PCDH9: variants seen among roughly 807,000 people sequenced by gnomAD.
PCDH9 encodes the protein protocadherin-9.
PCDH9 carries 24 observed loss-of-function variants against 70.6 expected under a neutral mutation model. The ratio of observed to expected loss-of-function variants is 0.34; its 90% CI spans 0.25 to 0.48. PCDH9 has a LOEUF of 0.48. Ranked by LOEUF, PCDH9 falls within the 20% of genes least tolerant of loss-of-function variation. The pLI, the probability that PCDH9 is intolerant of heterozygous loss-of-function variation, is 0.99. For synonymous variants in PCDH9, 562 were observed against 558.5 expected, an observed-to-expected ratio of 1.01 and a Z score of -0.09; for missense variants, 1,281 against 1,503.6, an observed-to-expected ratio of 0.85 and a Z score of 2.45.
chr13:66,319,731 C>T (rs775880831), intron 4 of PCDH9, among the ~76,000 whole-genome samples: 23 of 152,128 alleles, frequency 1.5e-4, no homozygotes, highest in Middle Eastern at 3.4e-3. Flanking sequence ...CTAGCCAGGA[C>T]ACCAGAGAAT....
At chr13:66,889,547 T>C (rs902589755) in intron 3 of PCDH9, among the ~76,000 whole-genome samples, 8 of 152,192 alleles carry the variant, frequency 5.3e-5, no homozygotes, top group African/African-American at 1.4e-4. Context: ...GAAACACTTA[T>C]GATTCCTGTT....
intron 4 of PCDH9, among the ~76,000 whole-genome samples, chr13:66,334,958 G>A (rs1593816210): frequency 6.6e-6 from 1 of 151,978 alleles, no homozygotes; most frequent in Middle Eastern, 3.4e-3. Flanking sequence ...CCCCAAAATA[G>A]GTATTTCTAT....
At chr13:66,679,927 C>T (rs1345552383) in intron 3 of PCDH9, among the ~76,000 whole-genome samples, 1 of 151,900 alleles carries the variant, frequency 6.6e-6, no homozygotes, top group Non-Finnish European at 1.5e-5. Flanking sequence ...GAGAAATAAT[C>T]AAATTAAATT....
At chr13:66,403,126 C>T (rs1462971066) in intron 4 of PCDH9, among the ~76,000 whole-genome samples, 1 of 151,690 alleles carries the variant, frequency 6.6e-6, no homozygotes, top group East Asian at 1.9e-4. Flanking sequence ...CCATTTACAG[C>T]TTTAGATGTA....
chr13:66,605,772 T>C (rs2077215239), intron 4 of PCDH9, among the ~76,000 whole-genome samples: 1 of 152,294 alleles, frequency 6.6e-6, no homozygotes, highest in Non-Finnish European at 1.5e-5. Flanking sequence ...TACAATATCA[T>C]GTGTGGCTTG....
intron 3 of PCDH9, among the ~76,000 whole-genome samples, chr13:66,764,624 A>T (rs1284270916): frequency 6.6e-6 from 1 of 152,006 alleles, no homozygotes; most frequent in African/African-American, 2.4e-5. Flanking sequence ...AGTAAAGAAA[A>T]AAGTTATTTT....
chr13:66,652,444 A>G (rs1187478959), intron 3 of PCDH9, among the ~76,000 whole-genome samples: 1 of 152,132 alleles, frequency 6.6e-6, no homozygotes, highest in African/African-American at 2.4e-5. Flanking sequence ...GATATCTTCA[A>G]TGAAAACTGT....
chr13:66,499,995 G>A (rs1182337709), intron 4 of PCDH9, among the ~76,000 whole-genome samples: 1 of 152,196 alleles, frequency 6.6e-6, no homozygotes, highest in Non-Finnish European at 1.5e-5. Flanking sequence ...CTGGTGCCAT[G>A]CTTCTTGTAC....
intron 4 of PCDH9, among the ~76,000 whole-genome samples, chr13:66,484,048 A>G (rs1015949443): frequency 1.3e-5 from 2 of 152,146 alleles, no homozygotes; most frequent in Admixed American, 6.5e-5. Context: ...AGCCAACTCC[A>G]GGGGAAAACC....
rs574315703 is a variant in PCDH9 at position 66,458,225 on chromosome 13, A to G, written c.3341-153197T>C. Among the ~76,000 whole-genome samples, 5 of 152,126 alleles carry G rather than the reference A, an allele frequency of 3.3e-5. No individual in the cohort carries two copies. The East Asian group carries it at 9.7e-4, about 29-fold the overall frequency. On this transcript the variant is annotated intron_variant, in intron 4 of 4. Coordinates refer to ENST00000377865, the MANE Select transcript of PCDH9 (RefSeq NM_203487.3). ...ATTTTTGTTGAAACTTGCATATTAT[A>G]TATAGTGATTTAAGTAGATTTCTGG...
intron 2 of PCDH9, among the ~76,000 whole-genome samples, chr13:67,186,254 G>T (rs765010318): frequency 6.6e-6 from 1 of 151,948 alleles, no homozygotes; most frequent in Non-Finnish European, 1.5e-5. Context: ...AATTTATATT[G>T]ATTCACCTTT....
rs148972381 is a variant in PCDH9 at position 66,731,576 on chromosome 13, T to G, written c.3139-100165A>C. The stretch of plus-strand genomic sequence containing the variant: ...ATATGTTTCCCAAGCAAGAGCATGA[T>G]GGATTATAGTCCCACTGAACATTCA... On this transcript the variant is annotated intron_variant, in intron 3 of 4. Coordinates refer to ENST00000377865, the MANE Select transcript of PCDH9 (RefSeq NM_203487.3). Among the ~76,000 whole-genome samples the G allele has an allele frequency of 6.3e-3, 959 of 152,224 alleles. 8 individuals carry two copies. Among genetic ancestry groups the G allele is most frequent in the African/African-American group, 0.022 (908 of 41,550 alleles).
intron 2 of PCDH9, among the ~76,000 whole-genome samples, chr13:67,075,061 G>A (rs1462402059): frequency 2.0e-5 from 3 of 150,606 alleles, no homozygotes; most frequent in Admixed American, 6.6e-5. Context: ...CCCTTAGTAC[G>A]TTAGTGTGAT....
At chr13:67,056,765 T>C (rs2085428040) in intron 2 of PCDH9, among the ~76,000 whole-genome samples, 1 of 152,160 alleles carries the variant, frequency 6.6e-6, no homozygotes, top group South Asian at 2.1e-4. Flanking sequence ...GCATAGTGCC[T>C]GGTACTTAGT....
At position 67,227,719 on chromosome 13, in the gene PCDH9, G is replaced by A. The variant is rs746308292; in HGVS notation, c.722C>T (p.Thr241Ile). The A allele has an allele frequency of 1.1e-5, 18 of 1,613,880 alleles. No homozygotes were observed. Among genetic ancestry groups the A allele is most frequent in the Middle Eastern group, 3.3e-4 (2 of 6,084 alleles). The change falls in exon 2 of 5, where the codon ACA (threonine) becomes ATA (isoleucine). Residue 241 changes from threonine (T) to isoleucine (I), a missense_variant. By Grantham distance (89) the Thr-to-Ile change is moderately conservative (BLOSUM62 -1). Coordinates refer to ENST00000377865, the MANE Select transcript of PCDH9 (RefSeq NM_203487.3). The surrounding 1 kb of genome is among the most constrained non-coding windows in gnomAD (Gnocchi z 4.6). ...CCTGTTGTCATTTACATCACTTACTGTGACCTGCAGTATGGCCGTACTGGA... is the reference window on the plus strand; with the variant it reads ...CCTGTTGTCATTTACATCACTTACTATGACCTGCAGTATGGCCGTACTGGA... ...QKSSTAILQV[T>I]VSDVNDNRPV...
chr13:66,754,353 G>A (rs866427616), intron 3 of PCDH9, among the ~76,000 whole-genome samples: 1 of 151,686 alleles, frequency 6.6e-6, no homozygotes, highest in Non-Finnish European at 1.5e-5. Context: ...TTCTGCACAT[G>A]TATCCCAGAA....
chr13:66,694,119 G>A (rs2139090597), intron 3 of PCDH9, among the ~76,000 whole-genome samples: 1 of 152,284 alleles, frequency 6.6e-6, no homozygotes, highest in South Asian at 2.1e-4. Flanking sequence ...TTCTATAAAT[G>A]TGAAAAGTCA....
intron 2 of PCDH9, among the ~76,000 whole-genome samples, chr13:67,174,625 T>G (rs1371188117): frequency 1.3e-5 from 2 of 152,204 alleles, no homozygotes; most frequent in Non-Finnish European, 2.9e-5. Flanking sequence ...AAACTAGCTT[T>G]CAATTTACTT....
rs576905865 is a variant in PCDH9 at position 66,705,265 on chromosome 13, G to A, written c.3139-73854C>T. 2.6e-5 allele frequency among the ~76,000 whole-genome samples: 4 copies of A among 152,184 alleles called. No individual in the cohort carries two copies. In the South Asian group the frequency reaches 8.3e-4, roughly 32 times the overall value. ...CCAAGACATCATTTTCTAAAATGAA[G>A]AACAAAGGAAAATATGTAGCATATA... On this transcript the variant is annotated intron_variant, in intron 3 of 4. Coordinates refer to ENST00000377865, the MANE Select transcript of PCDH9 (RefSeq NM_203487.3).
Sources: gnomAD v4.1 joint callset for allele counts (sites outside exome capture counted in the v4.1 genomes callset) on GRCh38, gnomAD v4.1.1 for gene constraint, Gnocchi (gnomAD v3.1) non-coding constraint, MANE v1.5 for transcripts, NCBI Gene and HGNC (gene_info 2026-07-23, HGNC 2026-07-21) for gene names.